Variants in KATNB1 observed in about 807,000 individuals in gnomAD.
KATNB1 encodes katanin p80 WD40 repeat-containing subunit B1.
In KATNB1, 38 loss-of-function variants were observed where a neutral mutation model predicts 82.3. That is an observed-to-expected ratio of 0.46 (90% CI 0.36 to 0.61). The LOEUF (loss-of-function observed/expected upper bound fraction) is 0.61. Among genes scored for constraint, KATNB1 ranks in the 20% least tolerant of loss-of-function variants. The probability of loss-of-function intolerance (pLI) is 0.00; values close to 1 mark genes in which losing one functional copy is unlikely to be tolerated. For missense variants in KATNB1, 749 were observed against 915.7 expected (o/e 0.82, Z 2.35); for synonymous variants, 361 against 368.7 (o/e 0.98, Z 0.24).
chr16:57,749,818 C>T (rs761694461), intron 4 of KATNB1, among the ~76,000 whole-genome samples: 1 of 152,116 alleles, frequency 6.6e-6, no homozygotes, highest in Non-Finnish European at 1.5e-5. Context: ...CGATCAGGCC[C>T]CACCCCAGGA....
At chr16:57,754,877 T>C (rs1266802854) in intron 13 of KATNB1, 53 bp from the exon 14 acceptor site, 2 of 1,594,530 alleles carry the variant, frequency 1.3e-6, no homozygotes, top group Non-Finnish European at 1.7e-6. Flanking sequence ...AGCCCTGCCC[T>C]TCTTGCCAGG....
At chr16:57,752,748 G>T in intron 9 of KATNB1, 30 bp from the exon 10 acceptor site, 1 of 1,603,168 alleles carries the variant, frequency 6.2e-7, no homozygotes. Flanking sequence ...GGGTGCCACA[G>T]GACCCACGGC....
chr16:57,743,898 G>A (rs75854659), intron 3 of KATNB1, among the ~76,000 whole-genome samples: 5,176 of 152,338 alleles, frequency 0.034, 151 homozygotes, highest in Middle Eastern at 0.044. Context: ...TCCTTTCCAC[G>A]GGGATGGGCA....
Position 57,752,836 on chromosome 16 carries a change from C to A in KATNB1, c.763C>A (p.Arg255Ser). The A allele has an allele frequency of 6.2e-7, 1 of 1,611,030 alleles. No homozygotes were observed. The highest frequency in any genetic ancestry group is 8.5e-7 in the Non-Finnish European group (1 of 1,179,810). ...CLYSGCQDSLRVYGWEPERCF... is the reference protein window; with the variant it reads ...CLYSGCQDSLSVYGWEPERCF... Reference sequence around the variant, plus strand: ...GTACAGCGGCTGCCAGGACTCACTGCGTGTCTACGGCTGGGAACCTGAGCG... The same window carrying A: ...GTACAGCGGCTGCCAGGACTCACTGAGTGTCTACGGCTGGGAACCTGAGCG... Residue 255 changes from arginine to serine, a missense_variant, in exon 10 of 20, where the codon CGT becomes AGT. Arg to Ser is a moderately radical substitution (Grantham distance 110). This residue lies in a region of KATNB1 where 407 missense variants were observed against 434.7 expected (regional missense o/e 0.94). Coordinates refer to ENST00000379661, the MANE Select transcript of KATNB1 (RefSeq NM_005886.3).
rs1314235186 is a variant in KATNB1, at chr16:57,737,211, T to C, written c.-33T>C. ...CACGAGGAAAGCACAGTTTATTTTG[T>C]GGGTGGGGCTTCAGGTGCCAGCCAG... is the stretch of plus-strand genomic sequence containing the variant. On this transcript the variant is annotated 5_prime_UTR_variant, in exon 2 of 20. Coordinates refer to ENST00000379661, the MANE Select transcript of KATNB1 (RefSeq NM_005886.3). 1.2e-6 allele frequency: 2 copies of C among 1,613,808 alleles called. No individual in the cohort carries two copies. The highest frequency in any genetic ancestry group is 1.7e-5 in the Admixed American group (1 of 60,018).
chr16:57,756,101 G>C, intron 18 of KATNB1, 35 bp downstream of exon 18: 1 of 1,597,840 alleles, frequency 6.3e-7, no homozygotes, highest in Non-Finnish European at 8.5e-7. Context: ...CCTGAAGCAG[G>C]GGGAGGGGAG....
intron 4 of KATNB1, among the ~76,000 whole-genome samples, chr16:57,748,368 G>A (rs955206328): frequency 6.6e-6 from 1 of 151,802 alleles, no homozygotes; most frequent in Admixed American, 6.6e-5. Context: ...GCTCACACCT[G>A]TAATCTCAGC....
At chr16:57,756,197 C>G in intron 18 of KATNB1, 131 bp downstream of exon 18, 1 of 1,197,240 alleles carries the variant, frequency 8.4e-7, no homozygotes, top group Non-Finnish European at 1.2e-6. Flanking sequence ...ATTGCTGCCC[C>G]TCAACAGTCC....
At chr16:57,748,468 T>TTAA (rs782485390) in intron 4 of KATNB1, among the ~76,000 whole-genome samples, 17 of 134,488 alleles carry the variant, frequency 1.3e-4, no homozygotes, top group Admixed American at 1.2e-3. Flanking sequence ...TCTATTTTTT[T>TTAA]AAAAAAAAAA....
At chr16:57,741,960 G>C in intron 3 of KATNB1, 143 bp downstream of exon 3, 1 of 994,130 alleles carries the variant, frequency 1.0e-6, no homozygotes, top group South Asian at 1.5e-5. Context: ...CTCAGGGGTG[G>C]AGGGGGCGTG....
chr16:57,753,133 T>C lies in KATNB1; in HGVS notation c.912T>C (p.Arg304=). ...CCTCCTACGTGGTGGATCTGACGCG[T>C]GTCACCAGGACTGGCACGGTGGCCC... is the stretch of plus-strand genomic sequence containing the variant. The part of the protein sequence containing the change: ...NVSSYVVDLT[R]VTRTGTVARD... The change falls in exon 11 of 20, where the codon CGT becomes CGC. Residue 304 remains arginine, a synonymous_variant. Coordinates refer to ENST00000379661, the MANE Select transcript of KATNB1 (RefSeq NM_005886.3). 6.2e-7 allele frequency: 1 copy of C among 1,611,366 alleles called. No homozygotes were observed. The highest frequency in any genetic ancestry group is 1.7e-4 in the Middle Eastern group (1 of 6,058).
chr16:57,750,445 G>A (rs1441670510), intron 4 of KATNB1, among the ~76,000 whole-genome samples: 1 of 152,176 alleles, frequency 6.6e-6, no homozygotes, highest in Non-Finnish European at 1.5e-5. Context: ...CCAACGTGGT[G>A]AAAACCTATC....
chr16:57,752,806 T>C lies in KATNB1; in HGVS notation c.733T>C (p.Cys245Arg). The C allele has an allele frequency of 6.2e-7, 1 of 1,611,246 alleles. No individual in the cohort carries two copies. Among genetic ancestry groups the C allele is most frequent in the Non-Finnish European group, 8.5e-7 (1 of 1,179,698 alleles). Reference sequence around the variant, plus strand: ...CGTCCTCTTCAACCCAGACGGCTGCTGCCTGTACAGCGGCTGCCAGGACTC... The same window carrying C: ...CGTCCTCTTCAACCCAGACGGCTGCCGCCTGTACAGCGGCTGCCAGGACTC... ...RSVLFNPDGCCLYSGCQDSLR... is the reference protein window; with the variant it reads ...RSVLFNPDGCRLYSGCQDSLR... The change falls in exon 10 of 20, where the codon TGC becomes CGC. Residue 245 changes from cysteine to arginine, a missense_variant. By Grantham distance (180) the Cys-to-Arg change is radical (BLOSUM62 -3). Coordinates refer to ENST00000379661, the MANE Select transcript of KATNB1 (RefSeq NM_005886.3).
In KATNB1 at chr16:57,737,229, C is replaced by T. The variant is rs759826118; in HGVS notation, c.-15C>T. On this transcript the variant is annotated 5_prime_UTR_variant, in exon 2 of 20. Coordinates refer to ENST00000379661, the MANE Select transcript of KATNB1 (RefSeq NM_005886.3). ...TATTTTGTGGGTGGGGCTTCAGGTGCCAGCCAGCTGAAGGATGGCCACCCC... is the reference window on the plus strand; with the variant it reads ...TATTTTGTGGGTGGGGCTTCAGGTGTCAGCCAGCTGAAGGATGGCCACCCC... 1 of 1,614,082 alleles carries T rather than the reference C, an allele frequency of 6.2e-7. No individual in the cohort carries two copies. Among genetic ancestry groups the T allele is most frequent in the African/African-American group, 1.3e-5 (1 of 75,058 alleles).
chr16:57,755,598 G>C (rs1000280443), intron 16 of KATNB1, 104 bp downstream of exon 16: 29 of 1,438,476 alleles, frequency 2.0e-5, no homozygotes, highest in Non-Finnish European at 2.5e-5. Context: ...ATGGGGGACA[G>C]TGTGGGATAG....
rs1555587355 is a variant in KATNB1 at position 57,757,140 on chromosome 16, A to G, written c.*194A>G. 14 of 490,100 alleles carry G rather than the reference A, an allele frequency of 2.9e-5. No homozygotes were observed. 30.4% of individuals were successfully genotyped at this position (490,100 alleles called of 1,614,324 possible). On this transcript the variant is annotated 3_prime_UTR_variant, in exon 20 of 20. Transcript: ENST00000379661. ...ACTCTTGAGACAACTCTCTCCAGCA[A>G]TAGCTGCCCAGCTTTGCCCAACTGT...
At position 57,754,963 on chromosome 16, in the gene KATNB1, G is replaced by A; in HGVS notation, c.1262G>A (p.Ser421Asn). Residue 421 changes from serine (S) to asparagine (N), a missense_variant, in exon 14 of 20, where the codon AGC (serine) becomes AAC (asparagine). Ser to Asn is a conservative substitution (Grantham distance 46). Transcript: ENST00000379661. ...ACAGCAAAGGAGGCAGCAAAGCCCA[G>A]CCCTGCCATGGATGTGCAGTTCCCG... The part of the protein sequence containing the change: ...AATAKEAAKP[S>N]PAMDVQFPVP... 1 of 1,614,102 alleles carries A rather than the reference G, an allele frequency of 6.2e-7. No individual in the cohort carries two copies. Among genetic ancestry groups the A allele is most frequent in the Non-Finnish European group, 8.5e-7 (1 of 1,180,036 alleles).
At chr16:57,748,180 T>C (rs2049196987) in intron 4 of KATNB1, among the ~76,000 whole-genome samples, 1 of 152,124 alleles carries the variant, frequency 6.6e-6, no homozygotes, top group Non-Finnish European at 1.5e-5. Context: ...CCCATCCCAG[T>C]GTTGTCTGTT....
Position 57,756,976 on chromosome 16 carries a change from C to T in KATNB1, c.*30C>T. The T allele has an allele frequency of 1.3e-6, 2 of 1,481,512 alleles. No homozygotes were observed. Among genetic ancestry groups the T allele is most frequent in the Non-Finnish European group, 1.8e-6 (2 of 1,109,960 alleles). The allele number at this position is 1,481,512 out of a possible 1,614,324, so 91.8% of individuals were successfully genotyped here. A position where few individuals can be genotyped will look rare whatever the true frequency, so the allele number is the denominator to read the frequency against. On this transcript the variant is annotated 3_prime_UTR_variant, in exon 20 of 20. Coordinates refer to ENST00000379661, the MANE Select transcript of KATNB1 (RefSeq NM_005886.3). ...AGCAGTGGGCAGGGGCGCTCGGCAG[C>T]CCACAGGGCCTGGCCTCAGCCCCCA...
Sources: gnomAD v4.1 joint callset for allele counts (sites outside exome capture counted in the v4.1 genomes callset) on GRCh38, gnomAD v4.1.1 for gene constraint, gnomAD v4.1.1 regional missense constraint, MANE v1.5 for transcripts, NCBI Gene and HGNC (gene_info 2026-07-23, HGNC 2026-07-21) for gene names.